TTK: variants seen among roughly 807,000 people sequenced by gnomAD.
TTK encodes the protein dual specificity protein kinase TTK.
In TTK, 59 loss-of-function variants were observed where a neutral mutation model predicts 117.3. The observed-to-expected ratio is 0.50, with a 90% CI of 0.41 to 0.62. TTK has a LOEUF of 0.62. Ranked by LOEUF, TTK falls within the 20% of genes least tolerant of loss-of-function variation. The pLI is 0.00. For synonymous variants in TTK, 302 were observed against 325.0 expected, an observed-to-expected ratio of 0.93 and a Z score of 0.76; for missense variants, 921 against 989.4, an observed-to-expected ratio of 0.93 and a Z score of 0.93.
At position 80,035,335 on chromosome 6, in the gene TTK, A is replaced by G. The variant is rs1767871753; in HGVS notation, c.1842A>G (p.Lys614=). ...ATATTGATCTTAATAGTTGGCTTAAAAAGAAAAAATCCATTGATCCATGGG... is the reference window on the plus strand; with the variant it reads ...ATATTGATCTTAATAGTTGGCTTAAGAAGAAAAAATCCATTGATCCATGGG... The part of the protein sequence containing the change: ...CGNIDLNSWL[K]KKKSIDPWER... Residue 614 remains lysine (K), a synonymous_variant, in exon 16 of 22, where the codon AAA becomes AAG. Coordinates refer to ENST00000369798, the MANE Select transcript of TTK (RefSeq NM_003318.5). 6.2e-7 allele frequency: 1 copy of G among 1,612,640 alleles called. No homozygotes were observed. Among genetic ancestry groups the G allele is most frequent in the African/African-American group, 1.3e-5 (1 of 74,846 alleles).
At chr6:80,037,041 C>T (rs770276628) in intron 17 of TTK, among the ~76,000 whole-genome samples, 1 of 152,074 alleles carries the variant, frequency 6.6e-6, no homozygotes, top group Non-Finnish European at 1.5e-5. Flanking sequence ...AGTGGGCCTT[C>T]ATATTGTAAA....
At chr6:80,009,183 C>T (rs1767080306) in intron 4 of TTK, among the ~76,000 whole-genome samples, 1 of 151,992 alleles carries the variant, frequency 6.6e-6, no homozygotes, top group Admixed American at 6.6e-5. Context: ...TTTCCATTCT[C>T]CCACTGCCTT....
chr6:80,005,199 AC>A (rs1449773121), intron 1 of TTK, among the ~76,000 whole-genome samples: 2 of 151,552 alleles, frequency 1.3e-5, no homozygotes, highest in African/African-American at 4.9e-5. Context: ...TCACAAAGAT[AC>A]GATTAACAAT....
At chr6:80,040,763 A>C in intron 21 of TTK, 60 bp downstream of exon 21, 1 of 1,524,332 alleles carries the variant, frequency 6.6e-7, no homozygotes, top group Non-Finnish European at 8.9e-7. Context: ...TTCGACACTT[A>C]AGGAAACAGG....
chr6:80,040,935 C>G (rs2251790), intron 21 of TTK, among the ~76,000 whole-genome samples: 91,230 of 151,592 alleles, frequency 0.6, 27,768 homozygotes, highest in Admixed American at 0.72. Context: ...AAGGTGCATT[C>G]AAAAGATTGC....
chr6:80,038,009 A>G lies in TTK; in HGVS notation c.2092A>G (p.Met698Val). 1 of 1,610,802 alleles carries G rather than the reference A, an allele frequency of 6.2e-7. No homozygotes were observed. The highest frequency in any genetic ancestry group is 8.5e-7 in the Non-Finnish European group (1 of 1,178,162). ...TATGCCACCAGAAGCAATCAAAGAT[A>G]TGTCTTCCTCCAGAGAGAATGGGAA... is the stretch of plus-strand genomic sequence containing the variant. The part of the protein sequence containing the change: ...NYMPPEAIKD[M>V]SSSRENGKSK... Residue 698 changes from methionine (M) to valine (V), a missense_variant, in exon 18 of 22, where the codon ATG (methionine) becomes GTG (valine). Transcript: ENST00000369798.
chr6:80,005,700 A>G (rs1766972789), intron 1 of TTK, 142 bp from the exon 2 acceptor site: 7 of 864,230 alleles, frequency 8.1e-6, no homozygotes, highest in Non-Finnish European at 1.2e-5. Context: ...ACTTACCTCC[A>G]TTAATACTAG....
At chr6:80,040,365 A>G (rs1013698640) in intron 20 of TTK, 85 bp downstream of exon 20, 3 of 1,212,476 alleles carry the variant, frequency 2.5e-6, no homozygotes, top group Non-Finnish European at 3.4e-6. Flanking sequence ...GACAGAATCT[A>G]AATTGGCTAC....
At chr6:80,035,239 T>G (rs1767864350) in intron 15 of TTK, 27 bp from the exon 16 acceptor site, 1 of 1,563,768 alleles carries the variant, frequency 6.4e-7, no homozygotes. Flanking sequence ...ATTTATTGTT[T>G]TGTTGCTTTT....
chr6:80,006,206 A>G, intron 2 of TTK: 1 of 533,632 alleles, frequency 1.9e-6, no homozygotes, highest in South Asian at 1.7e-5. Context: ...TTATTGAACA[A>G]TGATTAATGG....
At chr6:80,028,399 CCT>C (rs1767665865) in intron 13 of TTK, among the ~76,000 whole-genome samples, 1 of 151,792 alleles carries the variant, frequency 6.6e-6, no homozygotes, top group African/African-American at 2.4e-5. Context: ...GTGACTACAA[CCT>C]CTGCTTCCCA....
chr6:80,024,070 C>T (rs2127676479), intron 11 of TTK, among the ~76,000 whole-genome samples: 1 of 152,272 alleles, frequency 6.6e-6, no homozygotes, highest in Non-Finnish European at 1.5e-5. Context: ...GATACTACTT[C>T]ACACCCACTA....
chr6:80,018,165 A>G (rs567854625), intron 10 of TTK, among the ~76,000 whole-genome samples: 1 of 151,146 alleles, frequency 6.6e-6, no homozygotes, highest in Non-Finnish European at 1.5e-5. Context: ...CCTGGGTGAC[A>G]GAAGAAGACC....
At chr6:80,019,822 T>G (rs1193598124) in intron 10 of TTK, among the ~76,000 whole-genome samples, 1 of 152,214 alleles carries the variant, frequency 6.6e-6, no homozygotes, top group East Asian at 1.9e-4. Context: ...AACCCTGACA[T>G]CTTAATATAT....
chr6:80,028,516 C>A (rs1767669413), intron 13 of TTK, among the ~76,000 whole-genome samples: 1 of 151,890 alleles, frequency 6.6e-6, no homozygotes, highest in African/African-American at 2.4e-5. Context: ...CAGGGTTTCA[C>A]CATGTTGCTC....
At chr6:80,023,723 A>G (rs981335815) in intron 11 of TTK, among the ~76,000 whole-genome samples, 3 of 152,242 alleles carry the variant, frequency 2.0e-5, no homozygotes, top group African/African-American at 4.8e-5. Context: ...AGTTTTTACA[A>G]ATCTAATGAT....
intron 10 of TTK, among the ~76,000 whole-genome samples, chr6:80,017,954 G>A (rs1249237646): frequency 6.6e-6 from 1 of 152,006 alleles, no homozygotes; most frequent in Non-Finnish European, 1.5e-5. Context: ...TTGATGCTGT[G>A]ATAGTGAATG....
At chr6:80,028,386 C>T (rs752157287) in intron 13 of TTK, among the ~76,000 whole-genome samples, 21 of 151,736 alleles carry the variant, frequency 1.4e-4, no homozygotes, top group East Asian at 3.9e-4. Flanking sequence ...GGCGCGATCT[C>T]GGGTGACTAC....
Position 80,011,516 on chromosome 6 carries a change from A to G in TTK, c.696A>G (p.Arg232=), listed in dbSNP as rs757904993. 5.6e-6 allele frequency: 9 copies of G among 1,604,700 alleles called. No individual in the cohort carries two copies. Among genetic ancestry groups the G allele is most frequent in the South Asian group, 1.1e-5 (1 of 88,426 alleles). The part of the protein sequence containing the change: ...LQNRNNSCDS[R]GQTTKARFLY... Reference sequence around the variant, plus strand: ...ATAGGAACAACAGTTGTGATTCCAGAGGACAGACTACTAAAGCCAGGTTTT... The same window carrying G: ...ATAGGAACAACAGTTGTGATTCCAGGGGACAGACTACTAAAGCCAGGTTTT... The change falls in exon 6 of 22, where the codon AGA becomes AGG. Residue 232 remains arginine (R), a synonymous_variant. Coordinates refer to ENST00000369798, the MANE Select transcript of TTK (RefSeq NM_003318.5).
Sources: gnomAD v4.1 joint callset for allele counts (sites outside exome capture counted in the v4.1 genomes callset) on GRCh38, gnomAD v4.1.1 for gene constraint, MANE v1.5 for transcripts, NCBI Gene and HGNC (gene_info 2026-07-23, HGNC 2026-07-21) for gene names.